Variants in CEMIP2 observed in about 807,000 individuals in gnomAD.
The protein encoded by CEMIP2 is cell surface hyaluronidase CEMIP2.
In CEMIP2, 79 loss-of-function variants were observed where a neutral mutation model predicts 146.9. That is an observed-to-expected ratio of 0.54 (90% CI 0.45 to 0.65). The LOEUF (loss-of-function observed/expected upper bound fraction) is 0.65, where lower values mean the gene tolerates loss of function less well. Ranked by LOEUF, CEMIP2 falls within the 30% of genes least tolerant of loss-of-function variation. The pLI, the probability that CEMIP2 is intolerant of heterozygous loss-of-function variation, is 0.00. For synonymous variants in CEMIP2, 601 were observed against 606.3 expected (o/e 0.99, Z 0.13); for missense variants, 1,596 against 1,696.2 (o/e 0.94, Z 1.04).
Position 71,685,863 on chromosome 9 carries a change from G to A in CEMIP2, c.3852-17C>T, listed in dbSNP as rs926816218. On this transcript the variant is annotated splice_polypyrimidine_tract_variant and intron_variant, in intron 22 of 23. Transcript: ENST00000377044. ...ACAATGGACCTGTATGTGAAATTTA[G>A]AAAGTCAGAGCCAATTTCAATCCTT... is the stretch of plus-strand genomic sequence containing the variant. 1.9e-6 allele frequency: 3 copies of A among 1,586,014 alleles called. No individual in the cohort carries two copies. The highest frequency in any genetic ancestry group is 1.7e-6 in the Non-Finnish European group (2 of 1,155,088).
Position 71,685,395 on chromosome 9 carries a change from T to TAAAAA in CEMIP2, c.3956-7_3956-3dup, listed in dbSNP as rs36080695. On this transcript the variant is annotated splice_region_variant and splice_polypyrimidine_tract_variant and intron_variant, in intron 23 of 23. Transcript: ENST00000377044. ...TGAATCCCAAAAATATGGTACTCCC[T>TAAAAA]AAAAAAAAAAAAAAAAAAGAAAAAG... is the stretch of plus-strand genomic sequence containing the variant. The TAAAAA allele has an allele frequency of 2.6e-4, 307 of 1,178,266 alleles. No individual in the cohort carries two copies. The highest frequency in any genetic ancestry group is 1.5e-3 in the South Asian group (52 of 34,664). 73.0% of individuals were successfully genotyped at this position (1,178,266 alleles called of 1,614,324 possible).
chr9:71,744,357 G>A (rs900075726), intron 4 of CEMIP2, among the ~76,000 whole-genome samples: 2 of 152,170 alleles, frequency 1.3e-5, no homozygotes, highest in Admixed American at 6.5e-5. Context: ...CTCGGGCAAC[G>A]GGGCAAGACC....
chr9:71,715,136 A>T (rs1317986106), intron 14 of CEMIP2, 47 bp from the exon 15 acceptor site: 2 of 1,593,870 alleles, frequency 1.3e-6, no homozygotes, highest in African/African-American at 1.4e-5. Context: ...CAGAAAATTT[A>T]AATGTATTCC....
In CEMIP2 at chr9:71,683,650, A is replaced by T. The variant is rs1368134030; in HGVS notation, c.*1547T>A. On this transcript the variant is annotated 3_prime_UTR_variant, in exon 24 of 24. Coordinates refer to ENST00000377044, the MANE Select transcript of CEMIP2 (RefSeq NM_013390.3). ...AAAAAAACAAACCAGAAAACAAAAA[A>T]CTAACTTTGATTAAGACATGTGCCC... 1 of 152,188 alleles carries T rather than the reference A, an allele frequency of 6.6e-6. No homozygotes were observed. The highest frequency in any genetic ancestry group is 1.5e-5 in the Non-Finnish European group (1 of 67,944). 9.4% of individuals were successfully genotyped at this position (152,188 alleles called of 1,614,324 possible). A position where few individuals can be genotyped will look rare whatever the true frequency, so the allele number is the denominator to read the frequency against.
At chr9:71,740,339 C>T (rs897706905) in intron 4 of CEMIP2, 107 bp from the exon 5 acceptor site, 126 of 1,344,134 alleles carry the variant, frequency 9.4e-5, no homozygotes, top group South Asian at 5.6e-4. Context: ...ATTTCATTTT[C>T]GTCAATCCCT....
At chr9:71,706,586 G>A (rs1350219828) in intron 17 of CEMIP2, among the ~76,000 whole-genome samples, 1 of 152,022 alleles carries the variant, frequency 6.6e-6, no homozygotes, top group Admixed American at 6.6e-5. Flanking sequence ...AGTGAATGTT[G>A]AATAAATGAA....
At position 71,752,847 on chromosome 9, in the gene CEMIP2, G is replaced by A. The variant is rs1281798190; in HGVS notation, c.-12-2462C>T. Reference sequence around the variant, plus strand: ...TGGGGGCAGAAAGAGAATCTAATCAGGAATTGATGCTGATTTTACATGGGG... The same window carrying A: ...TGGGGGCAGAAAGAGAATCTAATCAAGAATTGATGCTGATTTTACATGGGG... On this transcript the variant is annotated intron_variant, in intron 1 of 23. Coordinates refer to ENST00000377044, the MANE Select transcript of CEMIP2 (RefSeq NM_013390.3). Among the ~76,000 whole-genome samples, 4 of 152,222 alleles carry A rather than the reference G, an allele frequency of 2.6e-5. No homozygotes were observed. In the East Asian group the frequency reaches 5.8e-4, roughly 22 times the overall value.
chr9:71,762,503 C>CAAAAAAAAAAAAAAAAAAAA (rs58090104), intron 1 of CEMIP2, among the ~76,000 whole-genome samples: 2 of 79,732 alleles, frequency 2.5e-5, no homozygotes, highest in African/African-American at 1.0e-4. Context: ...GCCCCGTCAC[C>CAAAAAAAAAAAAAAAAAAAA]AAAAAAAAAA....
At chr9:71,732,590 C>T (rs1564015620) in intron 6 of CEMIP2, 70 bp from the exon 7 acceptor site, 1 of 1,358,910 alleles carries the variant, frequency 7.4e-7, no homozygotes, top group Non-Finnish European at 9.6e-7. Context: ...TTCAAAAAGA[C>T]ATTCTCTTCA....
chr9:71,723,152 A>C (rs932525938), intron 11 of CEMIP2, among the ~76,000 whole-genome samples: 1 of 150,612 alleles, frequency 6.6e-6, no homozygotes, highest in Non-Finnish European at 1.5e-5. Context: ...AAAAAAAAAA[A>C]CAAAACCATG....
At position 71,696,335 on chromosome 9, in the gene CEMIP2, A is replaced by C. The variant is rs374132241; in HGVS notation, c.3597+1650T>G. On this transcript the variant is annotated intron_variant, in intron 20 of 23. Coordinates refer to ENST00000377044, the MANE Select transcript of CEMIP2 (RefSeq NM_013390.3). ...AGATTATTATATCAGCCTGGCAAGG[A>C]ATCATATAACTTTCATATACAGGGT... 1.2e-4 allele frequency among the ~76,000 whole-genome samples: 19 copies of C among 152,276 alleles called. 1 individual carries two copies. The highest frequency in any genetic ancestry group is 4.3e-4 in the African/African-American group (18 of 41,554).
chr9:71,749,462 T>C (rs1445499108), intron 2 of CEMIP2, among the ~76,000 whole-genome samples: 4 of 151,016 alleles, frequency 2.6e-5, no homozygotes, highest in Admixed American at 2.0e-4. Context: ...TCCCAGCACT[T>C]TGGGAGGCCA....
chr9:71,704,482 A>G lies in CEMIP2; in HGVS notation c.3194+113T>C. On this transcript the variant is annotated intron_variant, in intron 18 of 23. Coordinates refer to ENST00000377044, the MANE Select transcript of CEMIP2 (RefSeq NM_013390.3). The stretch of plus-strand genomic sequence containing the variant: ...ATACAGCCTCCCCACAAGAGAAGCA[A>G]AGTATGTAAAATTGGCTTTCTTTGC... 11 of 1,063,762 alleles carry G rather than the reference A, an allele frequency of 1.0e-5. No homozygotes were observed. The South Asian group carries it at 1.4e-4, about 13-fold the overall frequency. The allele number at this position is 1,063,762 out of a possible 1,614,324, so 65.9% of individuals were successfully genotyped here.
intron 5 of CEMIP2, among the ~76,000 whole-genome samples, chr9:71,738,292 CGCTTGAGG>C: frequency 6.6e-6 from 1 of 152,118 alleles, no homozygotes; most frequent in Non-Finnish European, 1.5e-5. Context: ...ATCGACAGAT[CGCTTGAGG>C]TCAGGAGTTG....
At chr9:71,725,768 C>T in intron 10 of CEMIP2, 59 bp from the exon 11 acceptor site, 1 of 1,511,818 alleles carries the variant, frequency 6.6e-7, no homozygotes, top group Middle Eastern at 1.8e-4. Context: ...CTATGAAACA[C>T]TCTCATAAAC....
intron 4 of CEMIP2, among the ~76,000 whole-genome samples, chr9:71,741,052 T>C (rs1823899042): frequency 6.6e-6 from 1 of 152,298 alleles, no homozygotes; most frequent in East Asian, 1.9e-4. Context: ...GTAGTGATCA[T>C]CAACCTTCAG....
intron 5 of CEMIP2, among the ~76,000 whole-genome samples, chr9:71,738,415 T>A (rs1052603012): frequency 2.0e-5 from 3 of 151,942 alleles, no homozygotes; most frequent in Admixed American, 1.3e-4. Context: ...CTTGGGAGCC[T>A]GAGGCAGGAG....
intron 18 of CEMIP2, among the ~76,000 whole-genome samples, chr9:71,702,494 T>G (rs1010176260): frequency 6.6e-6 from 1 of 152,086 alleles, no homozygotes; most frequent in South Asian, 2.1e-4. Flanking sequence ...AACTTGAGGT[T>G]AGAAAGAGGG....
intron 19 of CEMIP2, among the ~76,000 whole-genome samples, chr9:71,700,035 G>A (rs1192838491): frequency 1.3e-5 from 2 of 152,180 alleles, no homozygotes; most frequent in Non-Finnish European, 2.9e-5. Flanking sequence ...GTCTGCGTGA[G>A]GAGAAAGGCT....
Sources: allele counts gnomAD v4.1 joint callset (sites outside exome capture counted in the v4.1 genomes callset), GRCh38; gene constraint gnomAD v4.1.1; transcripts MANE v1.5; gene names NCBI Gene and HGNC (gene_info 2026-07-23, HGNC 2026-07-21).